The following LOC400499 variants were observed in gnomAD, a reference collection of about 807,000 sequenced individuals.
the LOC400499 span, among the ~76,000 whole-genome samples, chr16:11,505,440 C>CTTTTT: frequency 2.7e-5 from 2 of 75,334 alleles, no homozygotes; most frequent in African/African-American, 5.0e-5. Flanking sequence ...TTTAATTTTT[C>CTTTTT]TTTTCTTTTT....
chr16:11,473,665 G>C, the LOC400499 span, among the ~76,000 whole-genome samples: 1 of 151,274 alleles, frequency 6.6e-6, no homozygotes. Flanking sequence ...TGAGGCAGAA[G>C]AATTGCTTGA....
chr16:11,506,300 T>C, the LOC400499 span, among the ~76,000 whole-genome samples: 7 of 152,120 alleles, frequency 4.6e-5, no homozygotes, highest in Middle Eastern at 3.2e-3. Context: ...GCTGGGATTA[T>C]AGGCATGAGC....
At chr16:11,383,049 C>T in the LOC400499 span, among the ~76,000 whole-genome samples, 22 of 150,806 alleles carry the variant, frequency 1.5e-4, no homozygotes, top group Non-Finnish European at 2.5e-4. Context: ...GGAGAGAGTA[C>T]AAAGAGAGGA....
chr16:11,400,479 T>A, the LOC400499 span, among the ~76,000 whole-genome samples: 41 of 147,556 alleles, frequency 2.8e-4, no homozygotes, highest in Admixed American at 1.0e-3. Context: ...TCTCACTCTG[T>A]TACCAGGCTG....
chr16:11,419,398 T>C, the LOC400499 span, among the ~76,000 whole-genome samples: 1 of 151,938 alleles, frequency 6.6e-6, no homozygotes, highest in Admixed American at 6.6e-5. Context: ...GCTAGCCATA[T>C]GTAGAAAGCT....
chr16:11,402,021 C>T, the LOC400499 span: 14 of 399,064 alleles, frequency 3.5e-5, no homozygotes, highest in Admixed American at 8.8e-5. Context: ...GGTCACCTTC[C>T]GGCCCTGACA....
At chr16:11,408,609 G>A in the LOC400499 span, among the ~76,000 whole-genome samples, 1 of 151,990 alleles carries the variant, frequency 6.6e-6, no homozygotes, top group African/African-American at 2.4e-5. Flanking sequence ...TGAGATACAG[G>A]TACACACCAC....
At chr16:11,395,567 C>G in the LOC400499 span, among the ~76,000 whole-genome samples, 1 of 152,216 alleles carries the variant, frequency 6.6e-6, no homozygotes, top group Non-Finnish European at 1.5e-5. Context: ...ACTCTCAACC[C>G]AGAAATGCCA....
the LOC400499 span, chr16:11,392,180 G>C: frequency 4.8e-5 from 19 of 399,140 alleles, no homozygotes; most frequent in African/African-American, 3.5e-4. Context: ...CAGCAGGTGT[G>C]GGCCTCACAA....
chr16:11,504,277 C>G, the LOC400499 span, among the ~76,000 whole-genome samples: 1 of 152,200 alleles, frequency 6.6e-6, no homozygotes, highest in South Asian at 2.1e-4. Flanking sequence ...AGTCCAGGGC[C>G]TGGCGCGGTG....
the LOC400499 span, chr16:11,469,641 G>A: frequency 1.0e-5 from 4 of 399,010 alleles, no homozygotes; most frequent in South Asian, 1.3e-4. Flanking sequence ...CGTGGGCTGT[G>A]GCTTCTTGGG....
At chr16:11,515,319 T>C in the LOC400499 span, among the ~76,000 whole-genome samples, 1 of 151,554 alleles carries the variant, frequency 6.6e-6, no homozygotes, top group African/African-American at 2.4e-5. Flanking sequence ...CCAGGAATGG[T>C]GCCTTGTGCC....
chr16:11,381,355 C>T, the LOC400499 span, among the ~76,000 whole-genome samples: 4 of 152,152 alleles, frequency 2.6e-5, no homozygotes, highest in Non-Finnish European at 5.9e-5. Flanking sequence ...CTCGCCTCAG[C>T]CTCCCAAAGT....
chr16:11,476,715 C>G, the LOC400499 span: 2 of 399,610 alleles, frequency 5.0e-6, no homozygotes, highest in Non-Finnish European at 8.8e-6. Context: ...ACCTGCTCAC[C>G]TGCACCCTCG....
the LOC400499 span, among the ~76,000 whole-genome samples, chr16:11,483,093 A>G: frequency 6.6e-6 from 1 of 152,214 alleles, no homozygotes; most frequent in East Asian, 1.9e-4. Flanking sequence ...AGGGAAATGC[A>G]AATTAAAGCC....
chr16:11,476,671 C>T, the LOC400499 span: 3 of 398,848 alleles, frequency 7.5e-6, no homozygotes, highest in African/African-American at 6.2e-5. Context: ...TGATCACACA[C>T]TCACATGCAT....
chr16:11,387,416 C>G, the LOC400499 span: 1 of 750,186 alleles, frequency 1.3e-6, no homozygotes, highest in East Asian at 3.4e-5. Context: ...GGGTGCCTTT[C>G]AGGGAGGGGC....
the LOC400499 span, among the ~76,000 whole-genome samples, chr16:11,519,266 A>G: frequency 6.6e-6 from 1 of 152,214 alleles, no homozygotes; most frequent in Non-Finnish European, 1.5e-5. Context: ...TAGCACCAAC[A>G]AGAATATGTT....
the LOC400499 span, among the ~76,000 whole-genome samples, chr16:11,400,192 AC>A: frequency 6.6e-6 from 1 of 151,636 alleles, no homozygotes; most frequent in Non-Finnish European, 1.5e-5. Flanking sequence ...TCTCCCTGTC[AC>A]CCATCCCTCC....
Sources: gnomAD v4.1 joint callset for allele counts (sites outside exome capture counted in the v4.1 genomes callset) on GRCh38, gnomAD v4.1.1 for gene constraint, MANE v1.5 for transcripts.